DLG2: variants seen among roughly 807,000 people sequenced by gnomAD.
DLG2 encodes discs large MAGUK scaffold protein 2.
DLG2 carries 45 observed loss-of-function variants against 132.5 expected under a neutral mutation model. The ratio of observed to expected loss-of-function variants is 0.34; its 90% CI spans 0.27 to 0.44. The LOEUF is 0.44. Ranked by LOEUF, DLG2 falls within the 20% of genes least tolerant of loss-of-function variation. The probability of loss-of-function intolerance (pLI) is 1.00; values close to 1 mark genes in which losing one functional copy is unlikely to be tolerated. For missense variants in DLG2, 1,045 were observed against 1,196.9 expected, an observed-to-expected ratio of 0.87 and a Z score of 1.87; for synonymous variants, 424 against 419.6, an observed-to-expected ratio of 1.01 and a Z score of -0.13.
chr11:84,263,880 T>C (rs2097578283), intron 7 of DLG2, among the ~76,000 whole-genome samples: 1 of 152,160 alleles, frequency 6.6e-6, no homozygotes, highest in Non-Finnish European at 1.5e-5. Context: ...TGCTTATGTT[T>C]ATGGTGGGCC....
chr11:84,952,408 T>G lies in DLG2; in HGVS notation c.357+159253A>C, dbSNP rs560664289. Among the ~76,000 whole-genome samples, 3 of 152,082 alleles carry G rather than the reference T, an allele frequency of 2.0e-5. No homozygotes were observed. In the East Asian group the frequency reaches 5.8e-4, roughly 29 times the overall value. On this transcript the variant is annotated intron_variant, in intron 6 of 27. Coordinates refer to ENST00000376104, the MANE Select transcript of DLG2 (RefSeq NM_001142699.3). ...GGCGGGCGCCTGTAGTCCCAGCTACTCGGGAGGCTGAGGCAGGAGAATGGC... is the reference window on the plus strand; with the variant it reads ...GGCGGGCGCCTGTAGTCCCAGCTACGCGGGAGGCTGAGGCAGGAGAATGGC...
rs74200849 is a variant in DLG2, at chr11:84,844,135, G to GTATATATATATATA, written c.357+267512_357+267525dup. ...TGTGTGTGTGTGTGTGTGTGTGTGT[G>GTATATATATATATA]TATATATATATATATATATATATAT... On this transcript the variant is annotated intron_variant, in intron 6 of 27. Coordinates refer to ENST00000376104, the MANE Select transcript of DLG2 (RefSeq NM_001142699.3). Among the ~76,000 whole-genome samples, 5 of 43,696 alleles carry GTATATATATATATA rather than the reference G, an allele frequency of 1.1e-4. No homozygotes were observed. The East Asian group carries it at 1.9e-3, about 16-fold the overall frequency. The allele number at this position is 43,696 out of a possible 152,430, so 28.7% of individuals were successfully genotyped here.
intron 5 of DLG2, among the ~76,000 whole-genome samples, chr11:85,136,372 T>G (rs1338235530): frequency 3.3e-5 from 5 of 152,228 alleles, no homozygotes; most frequent in African/African-American, 1.2e-4. Flanking sequence ...ATACCTTATC[T>G]TTGATTGATT....
chr11:84,350,050 C>A (rs769133829), intron 7 of DLG2, among the ~76,000 whole-genome samples: 20 of 151,566 alleles, frequency 1.3e-4, no homozygotes, highest in Non-Finnish European at 1.9e-4. Context: ...TGGTGGTGGG[C>A]GCCTGTAGTC....
intron 6 of DLG2, among the ~76,000 whole-genome samples, chr11:84,604,707 C>T (rs2099582377): frequency 6.6e-6 from 1 of 151,926 alleles, no homozygotes; most frequent in Non-Finnish European, 1.5e-5. Flanking sequence ...AGGTCAACAC[C>T]AGATGATATT....
At chr11:85,131,527 A>T (rs918503097) in intron 5 of DLG2, among the ~76,000 whole-genome samples, 2 of 152,102 alleles carry the variant, frequency 1.3e-5, no homozygotes, top group Admixed American at 1.3e-4. Flanking sequence ...ATTTTAGTTG[A>T]TTTACTGATT....
At chr11:85,030,606 G>T (rs1397921710) in intron 6 of DLG2, among the ~76,000 whole-genome samples, 2 of 152,102 alleles carry the variant, frequency 1.3e-5, no homozygotes, top group African/African-American at 2.4e-5. Flanking sequence ...TAGGAAGAAA[G>T]TTCCCTTTAC....
At chr11:85,146,966 G>C (rs2076903824) in intron 5 of DLG2, among the ~76,000 whole-genome samples, 1 of 152,196 alleles carries the variant, frequency 6.6e-6, no homozygotes, top group Non-Finnish European at 1.5e-5. Context: ...GACACCGGTG[G>C]AATTTTGCCC....
chr11:85,258,374 C>G (rs1195023182), intron 4 of DLG2, among the ~76,000 whole-genome samples: 1 of 152,048 alleles, frequency 6.6e-6, no homozygotes, highest in Non-Finnish European at 1.5e-5. Context: ...GATTGAAATA[C>G]TATCTTAAAT....
chr11:83,821,669 C>G (rs1594929705), intron 17 of DLG2, among the ~76,000 whole-genome samples: 1 of 152,102 alleles, frequency 6.6e-6, no homozygotes, highest in East Asian at 1.9e-4. Context: ...TTTCAAAACT[C>G]TTCGAATACA....
intron 3 of DLG2, among the ~76,000 whole-genome samples, chr11:85,475,139 T>G (rs1290058490): frequency 1.3e-5 from 2 of 151,684 alleles, no homozygotes; most frequent in Admixed American, 1.3e-4. Context: ...CTTTTTAAAC[T>G]TAACCAAGTA....
intron 24 of DLG2, 59 bp downstream of exon 24, chr11:83,471,567 C>T: frequency 7.9e-7 from 1 of 1,263,664 alleles, no homozygotes. Context: ...ATTTTACCAT[C>T]TCATAAAGAA....
chr11:84,777,387 G>C (rs2070853805), intron 6 of DLG2, among the ~76,000 whole-genome samples: 1 of 146,130 alleles, frequency 6.8e-6, no homozygotes, highest in African/African-American at 2.5e-5. Flanking sequence ...CTTTGCTATT[G>C]TGAATAGTGC....
At chr11:84,405,978 A>C (rs1177946279) in intron 7 of DLG2, among the ~76,000 whole-genome samples, 1 of 152,142 alleles carries the variant, frequency 6.6e-6, no homozygotes, top group Non-Finnish European at 1.5e-5. Context: ...TCTCTTGCCA[A>C]GATCATGAGC....
intron 7 of DLG2, among the ~76,000 whole-genome samples, chr11:84,498,056 G>A (rs2099190112): frequency 6.6e-6 from 1 of 152,148 alleles, no homozygotes; most frequent in East Asian, 1.9e-4. Flanking sequence ...GTTTCCAAAG[G>A]GAGACTTGCT....
At chr11:84,193,703 A>G (rs1022230562) in intron 8 of DLG2, among the ~76,000 whole-genome samples, 1 of 152,262 alleles carries the variant, frequency 6.6e-6, no homozygotes, top group Non-Finnish European at 1.5e-5. Flanking sequence ...AGTCTGGTAC[A>G]GGTCAAATTA....
At chr11:85,168,053 C>A (rs181128993) in intron 4 of DLG2, among the ~76,000 whole-genome samples, 1 of 152,146 alleles carries the variant, frequency 6.6e-6, no homozygotes, top group African/African-American at 2.4e-5. Flanking sequence ...CCTAGGAGTT[C>A]AAGAGAAGAG....
At chr11:85,617,467 T>G (rs905861906) in intron 2 of DLG2, among the ~76,000 whole-genome samples, 1 of 152,210 alleles carries the variant, frequency 6.6e-6, no homozygotes, top group Non-Finnish European at 1.5e-5. Flanking sequence ...AAATTGCCTG[T>G]TTTTGCATCT....
intron 7 of DLG2, among the ~76,000 whole-genome samples, chr11:84,436,697 C>T (rs1050798523): frequency 4.6e-5 from 7 of 152,154 alleles, no homozygotes; most frequent in African/African-American, 7.2e-5. Flanking sequence ...ACTTACAGGC[C>T]ATTTTAATTT....
Sources: allele counts gnomAD v4.1 joint callset (sites outside exome capture counted in the v4.1 genomes callset), GRCh38; gene constraint gnomAD v4.1.1; transcripts MANE v1.5; gene names NCBI Gene and HGNC (gene_info 2026-07-23, HGNC 2026-07-21).